TAS2R1: variants seen among roughly 807,000 people sequenced by gnomAD.
TAS2R1 encodes taste receptor type 2 member 1.
For synonymous variants in TAS2R1, 141 were observed against 134.2 expected (o/e 1.05, Z -0.35); for missense variants, 370 against 353.4 (o/e 1.05, Z -0.38).
chr5:9,760,595 T>C, the TAS2R1 span, among the ~76,000 whole-genome samples: 1 of 152,186 alleles, frequency 6.6e-6, no homozygotes, highest in Non-Finnish European at 1.5e-5. Context: ...AAAAATCATA[T>C]AATCATATCA....
chr5:9,690,676 C>G (rs541074771), intron 1 of TAS2R1, among the ~76,000 whole-genome samples: 80 of 151,818 alleles, frequency 5.3e-4, no homozygotes, highest in African/African-American at 1.8e-3. Context: ...CTTGACCAAC[C>G]CTCTTGCTTC....
At chr5:9,786,141 C>T in the TAS2R1 span, among the ~76,000 whole-genome samples, 1 of 152,164 alleles carries the variant, frequency 6.6e-6, no homozygotes, top group South Asian at 2.1e-4. Context: ...TCATACACGA[C>T]TGGGCAGGAT....
the TAS2R1 span, among the ~76,000 whole-genome samples, chr5:9,819,429 A>G: frequency 3.4e-4 from 51 of 152,204 alleles, no homozygotes; most frequent in Non-Finnish European, 6.3e-4. Flanking sequence ...CTTACAATAC[A>G]GTAGAATTGG....
At chr5:9,838,276 A>C in the TAS2R1 span, among the ~76,000 whole-genome samples, 5 of 152,134 alleles carry the variant, frequency 3.3e-5, no homozygotes, top group African/African-American at 1.2e-4. Flanking sequence ...CTGCACCTCT[A>C]GTCCATCCTC....
the TAS2R1 span, among the ~76,000 whole-genome samples, chr5:9,826,699 T>C: frequency 6.6e-6 from 1 of 152,242 alleles, no homozygotes; most frequent in African/African-American, 2.4e-5. Flanking sequence ...CATGTACTAC[T>C]TCTGACCTTA....
chr5:9,853,058 A>G, the TAS2R1 span, among the ~76,000 whole-genome samples: 6 of 152,200 alleles, frequency 3.9e-5, no homozygotes, highest in African/African-American at 1.4e-4. Flanking sequence ...TGCAGGACAA[A>G]GTAGTTTTGA....
the TAS2R1 span, among the ~76,000 whole-genome samples, chr5:9,811,068 TG>T: frequency 7.2e-5 from 11 of 152,280 alleles, no homozygotes; most frequent in South Asian, 2.3e-3. Flanking sequence ...ACCAAGGTGG[TG>T]TTATCAGAAG....
the TAS2R1 span, among the ~76,000 whole-genome samples, chr5:9,852,863 A>G: frequency 6.6e-6 from 1 of 152,134 alleles, no homozygotes; most frequent in Non-Finnish European, 1.5e-5. Context: ...ATATATATAT[A>G]TATGTCTCAT....
At chr5:9,865,531 C>A in the TAS2R1 span, among the ~76,000 whole-genome samples, 61 of 152,316 alleles carry the variant, frequency 4.0e-4, no homozygotes, top group Non-Finnish European at 6.6e-4. Flanking sequence ...CCTGGGATCA[C>A]TTTCCTCTGA....
At chr5:9,781,036 C>T in the TAS2R1 span, among the ~76,000 whole-genome samples, 49,887 of 152,000 alleles carry the variant, frequency 0.33, 9,402 homozygotes, top group Admixed American at 0.43. Flanking sequence ...TCTCTTAATG[C>T]GTAATATATT....
chr5:9,806,749 C>T, the TAS2R1 span, among the ~76,000 whole-genome samples: 1 of 152,076 alleles, frequency 6.6e-6, no homozygotes, highest in Non-Finnish European at 1.5e-5. Context: ...AAAATCAACT[C>T]AAGATAAATC....
the TAS2R1 span, among the ~76,000 whole-genome samples, chr5:9,766,264 G>A: frequency 6.6e-6 from 1 of 152,194 alleles, no homozygotes; most frequent in African/African-American, 2.4e-5. Flanking sequence ...AGAAAGATGT[G>A]AAATAAATGT....
the TAS2R1 span, among the ~76,000 whole-genome samples, chr5:9,718,468 A>C: frequency 6.6e-6 from 1 of 151,900 alleles, no homozygotes; most frequent in African/African-American, 2.4e-5. Context: ...CCATATGAAA[A>C]GATGCTCAAT....
the TAS2R1 span, among the ~76,000 whole-genome samples, chr5:9,892,320 T>C: frequency 6.6e-6 from 1 of 152,212 alleles, no homozygotes. Context: ...TCCCATGCCA[T>C]AGCCTAACAA....
chr5:9,891,456 A>G, the TAS2R1 span, among the ~76,000 whole-genome samples: 1 of 152,258 alleles, frequency 6.6e-6, no homozygotes, highest in Non-Finnish European at 1.5e-5. Context: ...ATCTGCCAAC[A>G]TAACTCACAT....
intron 1 of TAS2R1, among the ~76,000 whole-genome samples, chr5:9,695,387 C>A (rs899503733): frequency 1.7e-4 from 26 of 151,832 alleles, no homozygotes; most frequent in African/African-American, 6.0e-4. Context: ...TATTTTTGGC[C>A]TGTGGAAGAA....
At chr5:9,675,497 A>G (rs981559897) in intron 1 of TAS2R1, among the ~76,000 whole-genome samples, 3 of 149,942 alleles carry the variant, frequency 2.0e-5, no homozygotes, top group African/African-American at 7.4e-5. Context: ...GCTCACTGCA[A>G]CCTCCACCTC....
At chr5:9,711,803 C>T (rs1734670522) in intron 1 of TAS2R1, among the ~76,000 whole-genome samples, 2 of 150,994 alleles carry the variant, frequency 1.3e-5, no homozygotes, top group Non-Finnish European at 2.9e-5. Context: ...GCTGGGATTA[C>T]AGGCACCTGC....
chr5:9,853,789 G>A, the TAS2R1 span, among the ~76,000 whole-genome samples: 2 of 152,082 alleles, frequency 1.3e-5, no homozygotes, highest in East Asian at 1.9e-4. Context: ...AGAGATATGA[G>A]GCAGAGTGAC....
Sources: allele counts gnomAD v4.1 joint callset (sites outside exome capture counted in the v4.1 genomes callset), GRCh38; gene constraint gnomAD v4.1.1; transcripts MANE v1.5; gene names NCBI Gene and HGNC (gene_info 2026-07-23, HGNC 2026-07-21).